Variants in ZNF124 observed in about 807,000 individuals in gnomAD.
ZNF124 encodes the protein zinc finger protein HZF-16.
ZNF124 carries 25 observed loss-of-function variants against 26.6 expected under a neutral mutation model. That is an observed-to-expected ratio of 0.94 (90% CI 0.68 to 1.31). The LOEUF is 1.31. Ranked by LOEUF, ZNF124 falls within the 40% of genes most tolerant of loss-of-function variation. The probability of loss-of-function intolerance (pLI) is 0.00; values close to 1 mark genes in which losing one functional copy is unlikely to be tolerated. For missense variants in ZNF124, 444 were observed against 422.2 expected, an observed-to-expected ratio of 1.05 and a Z score of -0.45; for synonymous variants, 129 against 133.3, an observed-to-expected ratio of 0.97 and a Z score of 0.22.
At chr1:247,151,694 C>A (rs111281210), downstream of ZNF124, among the ~76,000 whole-genome samples, 835 of 152,108 alleles carry the variant, frequency 5.5e-3, 9 homozygotes, top group African/African-American at 0.02. Flanking sequence ...TCACCAATAC[C>A]AATACATTTT....
chr1:247,135,083 G>T (rs1008786731), intron 3 of ZNF124, among the ~76,000 whole-genome samples: 3 of 152,104 alleles, frequency 2.0e-5, no homozygotes, highest in Non-Finnish European at 4.4e-5. Context: ...GAATCTCTGG[G>T]ACACAGCTAA....
chr1:247,164,691 T>A (rs148599271), intron 1 of ZNF124, among the ~76,000 whole-genome samples: 270 of 152,280 alleles, frequency 1.8e-3, no homozygotes, highest in Non-Finnish European at 3.4e-3. Flanking sequence ...ATGGTCCAAC[T>A]ACCCAAAGCA....
chr1:247,145,637 T>G (rs1248710442), intron 3 of ZNF124, among the ~76,000 whole-genome samples: 2 of 151,994 alleles, frequency 1.3e-5, no homozygotes, highest in Non-Finnish European at 2.9e-5. Flanking sequence ...ACTTCTGTTT[T>G]TTTTTTTTTT....
rs186949263 is a variant in ZNF124 at position 247,156,116 on chromosome 1, A to G, written c.*450T>C. The G allele has an allele frequency of 5.3e-4, 520 of 985,762 alleles. 3 individuals are homozygous for G. The African/African-American group carries it at 8.5e-3, about 16-fold the overall frequency. The allele number at this position is 985,762 out of a possible 1,614,324, so 61.1% of individuals were successfully genotyped here. A position where few individuals can be genotyped will look rare whatever the true frequency, so the allele number is the denominator to read the frequency against. On this transcript the variant is annotated 3_prime_UTR_variant, in exon 4 of 4. Transcript: ENST00000543802. The stretch of plus-strand genomic sequence containing the variant: ...ACATGACCTTTAAAGTAATTGTTAA[A>G]ATTCAGAATTTTCTGTATTTCTAGG...
chr1:247,161,326 T>A (rs1160814827), intron 1 of ZNF124, among the ~76,000 whole-genome samples: 1 of 152,152 alleles, frequency 6.6e-6, no homozygotes, highest in Non-Finnish European at 1.5e-5. Context: ...GTGAAGGAAG[T>A]ATCAAGCACT....
At chr1:247,169,432 C>T (rs1441380373) in intron 1 of ZNF124, among the ~76,000 whole-genome samples, 6 of 152,168 alleles carry the variant, frequency 3.9e-5, no homozygotes, top group Admixed American at 3.9e-4. Context: ...TGTTTTTCTC[C>T]CTTCACAAGT....
chr1:247,161,587 T>C (rs1363825167), intron 1 of ZNF124, among the ~76,000 whole-genome samples: 1 of 150,908 alleles, frequency 6.6e-6, no homozygotes, highest in Non-Finnish European at 1.5e-5. Flanking sequence ...AAAATAAAAA[T>C]CTGCAATACA....
At chr1:247,137,235 A>G (rs930328125) in intron 3 of ZNF124, among the ~76,000 whole-genome samples, 1 of 151,896 alleles carries the variant, frequency 6.6e-6, no homozygotes, top group African/African-American at 2.4e-5. Context: ...GGTGCTAGGA[A>G]AACTAGCCAG....
rs770773409 is a variant in ZNF124 at position 247,156,623 on chromosome 1, A to G, written c.999T>C (p.Leu333=). 1 of 1,577,618 alleles carries G rather than the reference A, an allele frequency of 6.3e-7. No individual in the cohort carries two copies. The highest frequency in any genetic ancestry group is 1.2e-5 in the South Asian group (1 of 84,540). The change falls in exon 4 of 4, where the codon CTT becomes CTC. Residue 333 remains leucine (L), a synonymous_variant. Coordinates refer to ENST00000543802, the MANE Select transcript of ZNF124 (RefSeq NM_001297568.2). ...CAGTATGAGTTTTTTTATGCTTCCA[A>G]AGGGTACTAGCACGACTAAAGGCTT... ...CGKAFSRAST[L]WKHKKTHTGE... is the part of the protein sequence containing the mutation.
chr1:247,125,430 CTTTTTTTTTTTTTTTTTT>C (rs71566695), intron 3 of ZNF124, among the ~76,000 whole-genome samples: 13 of 43,294 alleles, frequency 3.0e-4, no homozygotes, highest in Non-Finnish European at 3.8e-4. Flanking sequence ...CTGTTTTTGT[CTTTTTTTTTTTTTTTTTT>C]TTTTTTTTTT....
chr1:247,151,828 A>C (rs1672954543), downstream of ZNF124, among the ~76,000 whole-genome samples: 1 of 145,154 alleles, frequency 6.9e-6, no homozygotes, highest in South Asian at 2.3e-4. Flanking sequence ...AAAAAAAAAA[A>C]CCAAAACAAC....
chr1:247,127,603 G>T (rs1269429525), intron 3 of ZNF124, among the ~76,000 whole-genome samples: 1 of 145,218 alleles, frequency 6.9e-6, no homozygotes, highest in Admixed American at 7.3e-5. Flanking sequence ...GACCTGACCG[G>T]TTGTGTTATC....
At chr1:247,154,046 A>C (rs1213549903), downstream of ZNF124, among the ~76,000 whole-genome samples, 1 of 151,990 alleles carries the variant, frequency 6.6e-6, no homozygotes, top group Admixed American at 6.6e-5. Flanking sequence ...CACAACAATC[A>C]CTTGTCAGGC....
Position 247,157,762 on chromosome 1 carries a change from C to G in ZNF124, c.219-359G>C, listed in dbSNP as rs1275585019. The stretch of plus-strand genomic sequence containing the variant: ...AACAATACAGTAATATTCTCATATG[C>G]AGTTTCTTAGTATTGAATACAGTTT... On this transcript the variant is annotated intron_variant, in intron 3 of 3. Transcript: ENST00000543802. 4.6e-5 allele frequency among the ~76,000 whole-genome samples: 7 copies of G among 152,096 alleles called. No homozygotes were observed. In the East Asian group the frequency reaches 1.3e-3, roughly 29 times the overall value.
intron 1 of ZNF124, among the ~76,000 whole-genome samples, chr1:247,169,247 C>G (rs1673955591): frequency 6.6e-6 from 1 of 152,102 alleles, no homozygotes; most frequent in Non-Finnish European, 1.5e-5. Context: ...TCAAGTAAGA[C>G]CATCTCTCAA....
rs71566695 is a variant in ZNF124 at position 247,125,430 on chromosome 1, C to CTTTTTTTTTTTTTT, written c.219-1573_219-1560dup. On this transcript the variant is annotated intron_variant, in intron 3 of 3. Transcript: ENST00000472531. ...TATCTTCACCGACACCTGTTTTTGTCTTTTTTTTTTTTTTTTTTTTTTTTT... is the reference window on the plus strand; with the variant it reads ...TATCTTCACCGACACCTGTTTTTGTCTTTTTTTTTTTTTTTTTTTTTTTTTTTTTTTTTTTTTTT... Among the ~76,000 whole-genome samples, 102 of 43,296 alleles carry CTTTTTTTTTTTTTT rather than the reference C, an allele frequency of 2.4e-3. 15 individuals are homozygous for CTTTTTTTTTTTTTT. The highest frequency in any genetic ancestry group is 5.0e-3 in the South Asian group (3 of 596). The allele number at this position is 43,296 out of a possible 152,430, so 28.4% of individuals were successfully genotyped here.
At chr1:247,139,474 G>A (rs1672570996) in intron 3 of ZNF124, among the ~76,000 whole-genome samples, 1 of 152,182 alleles carries the variant, frequency 6.6e-6, no homozygotes, top group Non-Finnish European at 1.5e-5. Flanking sequence ...CGCCTTTTAA[G>A]CAGGGCATTT....
chr1:247,144,942 A>T (rs1672724932), intron 3 of ZNF124, among the ~76,000 whole-genome samples: 1 of 152,070 alleles, frequency 6.6e-6, no homozygotes, highest in Middle Eastern at 3.4e-3. Flanking sequence ...TGCCTGGCTA[A>T]TTTTTGTATT....
chr1:247,127,695 G>GC (rs1672241761), intron 3 of ZNF124, among the ~76,000 whole-genome samples: 2 of 148,696 alleles, frequency 1.3e-5, no homozygotes, highest in Admixed American at 1.4e-4. Flanking sequence ...GGTGCATGCA[G>GC]CCCCCAGTCA....
Sources: allele counts gnomAD v4.1 joint callset (sites outside exome capture counted in the v4.1 genomes callset), GRCh38; gene constraint gnomAD v4.1.1; transcripts MANE v1.5; gene names NCBI Gene and HGNC (gene_info 2026-07-23, HGNC 2026-07-21).